The following SRRM4 variants were observed in gnomAD, a reference collection of about 807,000 sequenced individuals.
SRRM4 encodes the protein serine/arginine repetitive matrix protein 4.
In SRRM4, 33 loss-of-function variants were observed where a neutral mutation model predicts 68.9. That is an observed-to-expected ratio of 0.48 (90% CI 0.36 to 0.64). The LOEUF (loss-of-function observed/expected upper bound fraction) is 0.64. Ranked by LOEUF, SRRM4 falls within the 30% of genes least tolerant of loss-of-function variation. The pLI is 0.00. For missense variants in SRRM4, 817 were observed against 827.1 expected (o/e 0.99, Z 0.15); for synonymous variants, 318 against 318.8 (o/e 1.00, Z 0.03).
intron 10 of SRRM4, among the ~76,000 whole-genome samples, 170 bp from the exon 11 acceptor site, chr12:119,153,369 C>T (rs1300006600): frequency 4.8e-5 from 4 of 82,888 alleles, no homozygotes; most frequent in Non-Finnish European, 9.7e-5. Context: ...TTATTATTAA[C>T]CACCGGTGGG....
chr12:118,989,339 C>T (rs368473645), intron 1 of SRRM4, among the ~76,000 whole-genome samples: 21 of 152,168 alleles, frequency 1.4e-4, no homozygotes, highest in African/African-American at 5.1e-4. Context: ...CATCAGGAAA[C>T]TTTAAAGATG....
At chr12:119,145,931 C>T (rs1220367669) in intron 9 of SRRM4, among the ~76,000 whole-genome samples, 2 of 152,190 alleles carry the variant, frequency 1.3e-5, no homozygotes, top group Non-Finnish European at 2.9e-5. Context: ...ATTCTGCTTC[C>T]TCATCCTACT....
At chr12:119,120,099 C>A in intron 4 of SRRM4, 151 bp from the exon 5 acceptor site, 4 of 522,856 alleles carry the variant, frequency 7.7e-6, no homozygotes, top group South Asian at 2.3e-5. Flanking sequence ...TTACGTTTTC[C>A]CCTCCCTCCC....
intron 1 of SRRM4, among the ~76,000 whole-genome samples, chr12:119,035,640 A>G (rs1200247232): frequency 2.0e-5 from 3 of 152,002 alleles, no homozygotes; most frequent in African/African-American, 7.3e-5. Context: ...TCATGCTTCA[A>G]TTGCAATTTT....
intron 6 of SRRM4, 60 bp downstream of exon 6, chr12:119,122,180 T>C: frequency 8.2e-7 from 1 of 1,217,708 alleles, no homozygotes; most frequent in Non-Finnish European, 1.2e-6. Flanking sequence ...ATCTGGCTTC[T>C]TAAAAGCCAG....
intron 1 of SRRM4, among the ~76,000 whole-genome samples, chr12:119,035,027 C>T (rs774326539): frequency 6.6e-5 from 10 of 152,162 alleles, no homozygotes; most frequent in Non-Finnish European, 1.5e-4. Flanking sequence ...TTCCCTGTCT[C>T]TCACTATATG....
intron 1 of SRRM4, among the ~76,000 whole-genome samples, chr12:119,060,837 A>T (rs565276431): frequency 2.0e-5 from 3 of 152,158 alleles, no homozygotes; most frequent in Non-Finnish European, 4.4e-5. Context: ...CTCTTATCAA[A>T]CATCTTATCA....
At chr12:119,086,509 T>C (rs1462567659) in intron 1 of SRRM4, among the ~76,000 whole-genome samples, 1 of 152,222 alleles carries the variant, frequency 6.6e-6, no homozygotes, top group Non-Finnish European at 1.5e-5. Flanking sequence ...TGTTATGGCC[T>C]CTTCTACTCA....
intron 1 of SRRM4, among the ~76,000 whole-genome samples, chr12:119,048,593 C>T (rs557357876): frequency 1.3e-5 from 2 of 152,058 alleles, no homozygotes; most frequent in African/African-American, 4.8e-5. Flanking sequence ...CGTTTGAATT[C>T]TCTGAGCCTT....
Position 119,112,349 on chromosome 12 carries a change from G to A in SRRM4, c.279-1929G>A, listed in dbSNP as rs185340189. Among the ~76,000 whole-genome samples, 307 of 152,324 alleles carry A rather than the reference G, an allele frequency of 2.0e-3. 2 individuals carry two copies. In the South Asian group the frequency reaches 0.026, roughly 13 times the overall value. ...AAATAGGAATGCTTTTACACTATTA[G>A]TGGGAATGTAAATTAGTTCAACCAT... On this transcript the variant is annotated intron_variant, in intron 2 of 12. Transcript: ENST00000267260.
intron 7 of SRRM4, among the ~76,000 whole-genome samples, chr12:119,127,362 T>A (rs2136056130): frequency 6.6e-6 from 1 of 152,202 alleles, no homozygotes; most frequent in African/African-American, 2.4e-5. Flanking sequence ...TCCGTTCACA[T>A]CACAAGGGTA....
At chr12:119,079,517 C>T (rs1953935480) in intron 1 of SRRM4, among the ~76,000 whole-genome samples, 1 of 152,212 alleles carries the variant, frequency 6.6e-6, no homozygotes, top group African/African-American at 2.4e-5. Context: ...CATTTGGTCT[C>T]TGATTGCTGG....
At position 119,022,287 on chromosome 12, in the gene SRRM4, G is replaced by A. The variant is rs371109972; in HGVS notation, c.131+40274G>A. Among the ~76,000 whole-genome samples the A allele has an allele frequency of 1.3e-3, 205 of 152,082 alleles. 1 individual carries two copies. The highest frequency in any genetic ancestry group is 4.0e-3 in the African/African-American group (164 of 41,454). On this transcript the variant is annotated intron_variant, in intron 1 of 12. Coordinates refer to ENST00000267260, the MANE Select transcript of SRRM4 (RefSeq NM_194286.4). ...GACTCCGATGATTTCACATTTTTTG[G>A]TTACTTCAAACAAACAAAAACCTTT...
intron 1 of SRRM4, among the ~76,000 whole-genome samples, chr12:119,011,483 G>C (rs1445490465): frequency 6.6e-6 from 1 of 152,116 alleles, no homozygotes; most frequent in African/African-American, 2.4e-5. Flanking sequence ...GGGGAGCAAA[G>C]TTGCCACTGG....
chr12:119,078,801 G>A (rs1036296878), intron 1 of SRRM4, among the ~76,000 whole-genome samples: 5 of 152,108 alleles, frequency 3.3e-5, no homozygotes, highest in African/African-American at 1.2e-4. Context: ...GTAGTGGCAT[G>A]TGCCTGTAGT....
chr12:119,140,107 C>T (rs1954355462), intron 8 of SRRM4, among the ~76,000 whole-genome samples: 1 of 152,192 alleles, frequency 6.6e-6, no homozygotes, highest in East Asian at 1.9e-4. Context: ...GGTGCAGTGG[C>T]TCACGCCTGT....
rs1954510604 is a variant in SRRM4 at position 119,161,126 on chromosome 12, C to T, written c.*4328C>T. 6.6e-6 allele frequency: 1 copy of T among 152,194 alleles called. No homozygotes were observed. The highest frequency in any genetic ancestry group is 6.5e-5 in the Admixed American group (1 of 15,274). 9.4% of individuals were successfully genotyped at this position (152,194 alleles called of 1,614,324 possible). A position where few individuals can be genotyped will look rare whatever the true frequency, so the allele number is the denominator to read the frequency against. On this transcript the variant is annotated 3_prime_UTR_variant, in exon 13 of 13. Transcript: ENST00000267260. ...AAGGCAAAGAAAGCACATTGTTTTC[C>T]TTCTCCAGTCCAACTTTCATCTTTT...
chr12:119,119,385 G>A (rs950569828), intron 4 of SRRM4, among the ~76,000 whole-genome samples: 1 of 151,646 alleles, frequency 6.6e-6, no homozygotes, highest in African/African-American at 2.4e-5. Flanking sequence ...GGGGAAAATC[G>A]ATCATTCTAA....
intron 4 of SRRM4, among the ~76,000 whole-genome samples, chr12:119,117,321 C>T (rs530599072): frequency 2.0e-5 from 3 of 152,236 alleles, no homozygotes; most frequent in South Asian, 2.1e-4. Flanking sequence ...CTGAAGTGCC[C>T]GCTGTCTCCT....
Sources: allele counts gnomAD v4.1 joint callset (sites outside exome capture counted in the v4.1 genomes callset), GRCh38; gene constraint gnomAD v4.1.1; transcripts MANE v1.5; gene names NCBI Gene and HGNC (gene_info 2026-07-23, HGNC 2026-07-21).